The following PDE4D variants were observed in gnomAD, a reference collection of about 807,000 sequenced individuals.
The protein encoded by PDE4D is 3',5'-cyclic-AMP phosphodiesterase 4D.
A neutral mutation model predicts 87.4 loss-of-function variants in PDE4D; 24 were observed. The observed-to-expected ratio is 0.27, with a 90% CI of 0.20 to 0.39. The LOEUF is 0.39. PDE4D is among the 10% of genes least tolerant of loss of function. PDE4D has a pLI of 1.00. For missense variants in PDE4D, 714 were observed against 1,041.0 expected (o/e 0.69, Z 4.32); for synonymous variants, 384 against 383.2 (o/e 1.00, Z -0.02).
chr5:60,395,659 C>T (rs1052686534), intron 1 of PDE4D, among the ~76,000 whole-genome samples: 5 of 151,896 alleles, frequency 3.3e-5, no homozygotes, highest in Non-Finnish European at 5.9e-5. Context: ...CTGAAAACAT[C>T]TCAAAAGCAA....
chr5:59,360,933 A>G (rs1271535636), intron 1 of PDE4D, among the ~76,000 whole-genome samples: 1 of 152,212 alleles, frequency 6.6e-6, no homozygotes, highest in African/African-American at 2.4e-5. Context: ...TTAAAGAGCT[A>G]AAATCAGGAT....
intron 1 of PDE4D, among the ~76,000 whole-genome samples, chr5:59,605,552 A>G (rs1828087220): frequency 6.6e-6 from 1 of 152,062 alleles, no homozygotes; most frequent in African/African-American, 2.4e-5. Context: ...CACCGTTATT[A>G]TAGGCTAAAA....
At chr5:60,058,874 A>C (rs377562910) in intron 2 of PDE4D, among the ~76,000 whole-genome samples, 12 of 152,092 alleles carry the variant, frequency 7.9e-5, no homozygotes, top group African/African-American at 2.9e-4. Context: ...AATAAATCCC[A>C]AATCACAGTT....
chr5:59,675,113 T>G (rs919154026), intron 1 of PDE4D, among the ~76,000 whole-genome samples: 3 of 152,208 alleles, frequency 2.0e-5, no homozygotes, highest in African/African-American at 7.2e-5. Context: ...TCCAAAAGCA[T>G]TTTATTTCAC....
intron 1 of PDE4D, among the ~76,000 whole-genome samples, chr5:59,561,667 C>T (rs931733029): frequency 4.0e-5 from 6 of 151,682 alleles, no homozygotes; most frequent in East Asian, 1.9e-4. Context: ...TGGTGGCTCA[C>T]GCCTGTAATT....
intron 1 of PDE4D, among the ~76,000 whole-genome samples, chr5:60,363,190 GT>G (rs1760226961): frequency 6.6e-6 from 1 of 152,160 alleles, no homozygotes; most frequent in South Asian, 2.1e-4. Flanking sequence ...AAAGCTTTGA[GT>G]GTGTATGATT....
chr5:59,052,320 G>T (rs1057153189), intron 5 of PDE4D, among the ~76,000 whole-genome samples: 30 of 152,292 alleles, frequency 2.0e-4, no homozygotes, highest in African/African-American at 6.0e-4. Flanking sequence ...TTGTTTTCAG[G>T]TGTAGGAAAT....
rs143787074 is a variant in PDE4D, at chr5:59,686,612, C to G, written c.455+206556G>C. Among the ~76,000 whole-genome samples, 44 of 152,118 alleles carry G rather than the reference C, an allele frequency of 2.9e-4. 1 individual carries two copies. Among genetic ancestry groups the G allele is most frequent in the Admixed American group, 6.6e-5 (1 of 15,250 alleles). On this transcript the variant is annotated intron_variant, in intron 1 of 14. Coordinates refer to ENST00000340635, the MANE Select transcript of PDE4D (RefSeq NM_001104631.2). Reference sequence around the variant, plus strand: ...GTACACAGCAGCTGTTCAATAATATCTGTTGAGTGAATGAAAGAATAAGCA... The same window carrying G: ...GTACACAGCAGCTGTTCAATAATATGTGTTGAGTGAATGAAAGAATAAGCA...
intron 1 of PDE4D, among the ~76,000 whole-genome samples, chr5:60,204,041 T>C (rs1041681436): frequency 1.3e-5 from 2 of 152,204 alleles, no homozygotes; most frequent in East Asian, 1.9e-4. Context: ...TTGAATTAAC[T>C]GTATACAAAA....
At chr5:59,500,766 A>G (rs1808163483) in intron 1 of PDE4D, among the ~76,000 whole-genome samples, 1 of 152,158 alleles carries the variant, frequency 6.6e-6, no homozygotes, top group Admixed American at 6.5e-5. Context: ...TAAAAATAAA[A>G]TAAGAAAATA....
chr5:60,250,241 T>G (rs181556901), intron 1 of PDE4D, among the ~76,000 whole-genome samples: 400 of 147,660 alleles, frequency 2.7e-3, no homozygotes, highest in Non-Finnish European at 4.6e-3. Context: ...ATATTGAAGG[T>G]TTTTTTTAAT....
chr5:59,508,425 T>A (rs1018398965), intron 1 of PDE4D, among the ~76,000 whole-genome samples: 1 of 152,192 alleles, frequency 6.6e-6, no homozygotes, highest in African/African-American at 2.4e-5. Context: ...AAAGTAAATC[T>A]ATAGTTAGCA....
chr5:59,422,611 G>A (rs544770558), intron 1 of PDE4D, among the ~76,000 whole-genome samples: 1 of 152,292 alleles, frequency 6.6e-6, no homozygotes, highest in East Asian at 1.9e-4. Context: ...TAAAAAGAAA[G>A]TTCCAAAGAA....
rs189968600 is a variant in PDE4D at position 59,501,048 on chromosome 5, G to C, written c.456-285080C>G. ...TATCACTTTTGAATCTCTTATACTT[G>C]GTCTTCAGAAGTCCTGAATGTGAAA... On this transcript the variant is annotated intron_variant, in intron 1 of 14. Coordinates refer to ENST00000340635, the MANE Select transcript of PDE4D (RefSeq NM_001104631.2). Among the ~76,000 whole-genome samples, 439 of 151,940 alleles carry C rather than the reference G, an allele frequency of 2.9e-3. 1 individual carries two copies. Among genetic ancestry groups the C allele is most frequent in the African/African-American group, 9.9e-3 (410 of 41,434 alleles).
intron 1 of PDE4D, among the ~76,000 whole-genome samples, chr5:59,675,343 G>T (rs997801220): frequency 9.2e-5 from 14 of 152,138 alleles, no homozygotes; most frequent in African/African-American, 3.4e-4. Context: ...ACAACTGTTT[G>T]TCCCTAAGCT....
chr5:60,091,282 A>ATCC (rs1775081684), intron 2 of PDE4D, among the ~76,000 whole-genome samples: 1 of 152,190 alleles, frequency 6.6e-6, no homozygotes, highest in African/African-American at 2.4e-5. Context: ...CAGAATATAC[A>ATCC]AGGTAAAAAA....
chr5:59,408,359 G>C (rs1315748323), intron 1 of PDE4D, among the ~76,000 whole-genome samples: 1 of 152,206 alleles, frequency 6.6e-6, no homozygotes, highest in Non-Finnish European at 1.5e-5. Context: ...AGAATGGAAA[G>C]AGTGATCCTA....
At chr5:59,013,092 T>C (rs1021803486) in intron 6 of PDE4D, among the ~76,000 whole-genome samples, 1 of 152,180 alleles carries the variant, frequency 6.6e-6, no homozygotes, top group African/African-American at 2.4e-5. Flanking sequence ...AGATGTTCTT[T>C]GAAACCAATG....
chr5:59,406,537 C>T (rs187444758), intron 1 of PDE4D, among the ~76,000 whole-genome samples: 119 of 151,900 alleles, frequency 7.8e-4, no homozygotes, highest in African/African-American at 2.6e-3. Flanking sequence ...ATTACAGGCA[C>T]GTGCCACCAC....
Sources: allele counts gnomAD v4.1 joint callset (sites outside exome capture counted in the v4.1 genomes callset), GRCh38; gene constraint gnomAD v4.1.1; transcripts MANE v1.5; gene names NCBI Gene and HGNC (gene_info 2026-07-23, HGNC 2026-07-21).